Variants in QKI observed in about 807,000 individuals in gnomAD.
The protein encoded by QKI is QKI, KH domain containing RNA binding, also known as KH domain-containing RNA-binding protein QKI.
QKI carries 10 observed loss-of-function variants against 39.0 expected under a neutral mutation model. That is an observed-to-expected ratio of 0.26 (90% CI 0.16 to 0.43). The LOEUF (loss-of-function observed/expected upper bound fraction) is 0.43, where lower values mean the gene tolerates loss of function less well. Among genes scored for constraint, QKI ranks in the 20% least tolerant of loss-of-function variants. The pLI is 1.00. For missense variants in QKI, 218 were observed against 428.0 expected (o/e 0.51, Z 4.33); for synonymous variants, 204 against 155.4 (o/e 1.31, Z -2.33).
At chr6:163,560,418 C>T (rs1039828210) in intron 4 of QKI, among the ~76,000 whole-genome samples, 1 of 152,120 alleles carries the variant, frequency 6.6e-6, no homozygotes, top group South Asian at 2.1e-4. Flanking sequence ...GTATTGACCA[C>T]ATTAAGTGAG....
intron 4 of QKI, among the ~76,000 whole-genome samples, chr6:163,552,834 C>T (rs1053983190): frequency 6.6e-6 from 1 of 152,106 alleles, no homozygotes; most frequent in Non-Finnish European, 1.5e-5. Context: ...ACCTTTCTAT[C>T]TCAGTGCTCA....
At chr6:163,553,062 TTTTATTTATTTATTTATTTA>T (rs200656963) in intron 4 of QKI, among the ~76,000 whole-genome samples, 1,903 of 119,262 alleles carry the variant, frequency 0.016, 41 homozygotes, top group African/African-American at 0.046. Context: ...TTTTTTTAAT[TTTTATTTATTTATTTATTTA>T]TTTATTTATT....
At chr6:163,450,737 C>T (rs1263740150) in intron 1 of QKI, among the ~76,000 whole-genome samples, 2 of 148,222 alleles carry the variant, frequency 1.3e-5, no homozygotes, top group East Asian at 2.0e-4. Flanking sequence ...TAGTGAAATT[C>T]GAAAAAAAAA....
chr6:163,455,262 AT>A lies in QKI; in HGVS notation c.143-12del. On this transcript the variant is annotated splice_polypyrimidine_tract_variant and intron_variant, in intron 1 of 7. Transcript: ENST00000361752. The stretch of plus-strand genomic sequence containing the variant: ...ATTTTTTTTGTCTAACACATTTAAA[AT>A]TTTTACTTTTAACAGAAATTAGCAG... 1 of 1,595,628 alleles carries A rather than the reference AT, an allele frequency of 6.3e-7. No homozygotes were observed.
At chr6:163,478,265 T>C (rs752655319) in intron 2 of QKI, among the ~76,000 whole-genome samples, 4 of 152,238 alleles carry the variant, frequency 2.6e-5, no homozygotes, top group Admixed American at 6.5e-5. Context: ...ACACATTTAG[T>C]GTAGCCAACC....
chr6:163,562,095 G>A (rs1234368829), intron 5 of QKI, 26 bp downstream of exon 5: 15 of 1,561,568 alleles, frequency 9.6e-6, no homozygotes, highest in Admixed American at 1.8e-5. Context: ...GAGGCCCAGG[G>A]TTACTGCTGT....
rs61586762 is a variant in QKI at position 163,567,026 on chromosome 6, G to C, written c.1009+231G>C. 4.3e-3 allele frequency: 5,015 copies of C among 1,166,454 alleles called. 172 individuals carry two copies. The African/African-American group carries it at 0.074, about 17-fold the overall frequency. The allele number at this position is 1,166,454 out of a possible 1,614,324, so 72.3% of individuals were successfully genotyped here. On this transcript the variant is annotated intron_variant, in intron 7 of 7. Coordinates refer to ENST00000361752, the MANE Select transcript of QKI (RefSeq NM_006775.3). ...TAAATCTTCTATTATTATGTACTATGATTTATTCCTACTAAAACATAAATT... is the reference window on the plus strand; with the variant it reads ...TAAATCTTCTATTATTATGTACTATCATTTATTCCTACTAAAACATAAATT...
rs9365570 is a variant in QKI, at chr6:163,482,794, C to T, written c.402+3898C>T. Among the ~76,000 whole-genome samples, 677 of 135,834 alleles carry T rather than the reference C, an allele frequency of 5.0e-3. 9 individuals carry two copies. In the East Asian group the frequency reaches 0.059, roughly 12 times the overall value. The allele number at this position is 135,834 out of a possible 152,430, so 89.1% of individuals were successfully genotyped here. A position where few individuals can be genotyped will look rare whatever the true frequency, so the allele number is the denominator to read the frequency against. On this transcript the variant is annotated intron_variant, in intron 3 of 7. Coordinates refer to ENST00000361752, the MANE Select transcript of QKI (RefSeq NM_006775.3). Reference sequence around the variant, plus strand: ...TTCAGCTATTTGGAATCTCTCCAAACCCCGTCCTTCTGTTTTTTTGTGGAG... The same window carrying T: ...TTCAGCTATTTGGAATCTCTCCAAATCCCGTCCTTCTGTTTTTTTGTGGAG...
chr6:163,426,452 T>G (rs1236980358), intron 1 of QKI, among the ~76,000 whole-genome samples: 1 of 152,196 alleles, frequency 6.6e-6, no homozygotes, highest in African/African-American at 2.4e-5. Flanking sequence ...AAGGAAAGAT[T>G]GATACCTGGA....
chr6:163,545,023 C>T (rs1451562722), intron 4 of QKI, among the ~76,000 whole-genome samples: 2 of 152,074 alleles, frequency 1.3e-5, no homozygotes, highest in African/African-American at 4.8e-5. Context: ...CCTAAAATCT[C>T]ATTTAAGTGT....
chr6:163,503,116 T>A (rs1778873866), intron 3 of QKI, among the ~76,000 whole-genome samples: 1 of 150,404 alleles, frequency 6.6e-6, no homozygotes, highest in African/African-American at 2.4e-5. Flanking sequence ...GAGCATCTTT[T>A]CATGTTTGTT....
intron 1 of QKI, among the ~76,000 whole-genome samples, chr6:163,432,058 G>A (rs1006592033): frequency 6.6e-6 from 1 of 152,166 alleles, no homozygotes; most frequent in Non-Finnish European, 1.5e-5. Context: ...CTTTGGGCCT[G>A]ATCCCCTCTA....
chr6:163,495,599 T>A (rs1778358260), intron 3 of QKI, among the ~76,000 whole-genome samples: 1 of 152,210 alleles, frequency 6.6e-6, no homozygotes, highest in Admixed American at 6.5e-5. Flanking sequence ...TGATGGACAT[T>A]CTAAATTCAA....
At position 163,574,562 on chromosome 6, in the gene QKI, T is replaced by G. The variant is rs971777353; in HGVS notation, c.*3852T>G. 6.6e-6 allele frequency: 1 copy of G among 152,162 alleles called. No individual in the cohort carries two copies. The highest frequency in any genetic ancestry group is 2.4e-5 in the African/African-American group (1 of 41,440). 9.4% of individuals were successfully genotyped at this position (152,162 alleles called of 1,614,324 possible). A position where few individuals can be genotyped will look rare whatever the true frequency, so the allele number is the denominator to read the frequency against. ...CAGACTAAAACATTAAACAAGAAGT[T>G]TAAGGGGGAATAACATTGGGATTTG... On this transcript the variant is annotated 3_prime_UTR_variant, in exon 8 of 8. Coordinates refer to ENST00000361752, the MANE Select transcript of QKI (RefSeq NM_006775.3).
At chr6:163,449,872 C>G (rs1790417788) in intron 1 of QKI, among the ~76,000 whole-genome samples, 1 of 151,946 alleles carries the variant, frequency 6.6e-6, no homozygotes, top group Admixed American at 6.6e-5. Flanking sequence ...ATTTCTCACC[C>G]CATATTTTTT....
chr6:163,473,199 A>G (rs1028351131), intron 2 of QKI, among the ~76,000 whole-genome samples: 1 of 152,170 alleles, frequency 6.6e-6, no homozygotes. Context: ...GGTTGCAGAT[A>G]TTGATGATGA....
chr6:163,430,643 A>G (rs1235379195), intron 1 of QKI, among the ~76,000 whole-genome samples: 3 of 152,268 alleles, frequency 2.0e-5, no homozygotes, highest in Admixed American at 1.3e-4. Context: ...AGTTGTCAGC[A>G]TATTCTGGTC....
chr6:163,434,361 C>T (rs1789078014), intron 1 of QKI, among the ~76,000 whole-genome samples: 1 of 152,050 alleles, frequency 6.6e-6, no homozygotes, highest in Admixed American at 6.6e-5. Context: ...AGTTTTTTAC[C>T]TAGATTTTAT....
intron 2 of QKI, among the ~76,000 whole-genome samples, chr6:163,457,065 G>C (rs1390207552): frequency 6.6e-6 from 1 of 152,138 alleles, no homozygotes; most frequent in East Asian, 1.9e-4. Context: ...GATTTGGGCA[G>C]CTGTTCCAAT....
Sources: gnomAD v4.1 joint callset for allele counts (sites outside exome capture counted in the v4.1 genomes callset) on GRCh38, gnomAD v4.1.1 for gene constraint, MANE v1.5 for transcripts, NCBI Gene and HGNC (gene_info 2026-07-23, HGNC 2026-07-21) for gene names.